Variants in TACC2 observed in about 807,000 individuals in gnomAD.
The protein encoded by TACC2 is transforming acidic coiled-coil containing protein 2.
TACC2 carries 137 observed loss-of-function variants against 227.3 expected under a neutral mutation model. The ratio of observed to expected loss-of-function variants is 0.60; its 90% confidence interval spans 0.52 to 0.69. The LOEUF is 0.69. TACC2 is among the 30% of genes least tolerant of loss of function. The pLI is 0.00. For missense variants in TACC2, 3,470 were observed against 3,694.4 expected (o/e 0.94, Z 1.57); for synonymous variants, 1,523 against 1,487.5 (o/e 1.02, Z -0.55).
At chr10:122,241,016 T>C (rs913526716) in intron 18 of TACC2, among the ~76,000 whole-genome samples, 1 of 152,132 alleles carries the variant, frequency 6.6e-6, no homozygotes, top group Non-Finnish European at 1.5e-5. Flanking sequence ...TAAAAGGTAA[T>C]AGGGTTCCAA....
intron 1 of TACC2, among the ~76,000 whole-genome samples, chr10:122,006,454 AT>A (rs1955162193): frequency 1.2e-5 from 1 of 86,056 alleles, no homozygotes; most frequent in Non-Finnish European, 2.7e-5. Flanking sequence ...GTCTCAAAAA[AT>A]AAATAAATAA....
At position 122,216,727 on chromosome 10, in the gene TACC2, C is replaced by T. The variant is rs34944231; in HGVS notation, c.7445C>T (p.Thr2482Met). Residue 2482 changes from threonine to methionine, a missense_variant, in exon 11 of 23, where the codon ACG (threonine) becomes ATG (methionine). Thr to Met is a moderately conservative substitution (Grantham distance 81). This residue lies in a region of TACC2 where 345 missense variants were observed against 354.4 expected (regional missense o/e 0.97). Coordinates refer to ENST00000369005, the MANE Select transcript of TACC2 (RefSeq NM_206862.4). Reference protein sequence around the residue: ...EKLAVTNQKWTCMTVDLEADK... With the variant: ...EKLAVTNQKWMCMTVDLEADK... Reference sequence around the variant, plus strand: ...CTGGCGGTCACCAACCAGAAGTGGACGTGCATGACAGTGGACCTAGAGGCT... The same window carrying T: ...CTGGCGGTCACCAACCAGAAGTGGATGTGCATGACAGTGGACCTAGAGGCT... 10,132 of 1,614,092 alleles carry T rather than the reference C, an allele frequency of 6.3e-3. 41 individuals carry two copies. Among genetic ancestry groups the T allele is most frequent in the Middle Eastern group, 0.017 (101 of 6,062 alleles).
At chr10:122,252,719 C>A (rs2096275150) in intron 22 of TACC2, among the ~76,000 whole-genome samples, 1 of 152,138 alleles carries the variant, frequency 6.6e-6, no homozygotes, top group Non-Finnish European at 1.5e-5. Flanking sequence ...TCTTGAACTC[C>A]TGACCTCTGG....
intron 8 of TACC2, among the ~76,000 whole-genome samples, chr10:122,198,192 C>A (rs985597393): frequency 1.3e-4 from 20 of 152,180 alleles, no homozygotes; most frequent in Non-Finnish European, 2.5e-4. Context: ...ATGTGTGGGC[C>A]AGAGCAGTCC....
intron 7 of TACC2, among the ~76,000 whole-genome samples, chr10:122,186,331 G>A (rs2094191293): frequency 6.6e-6 from 1 of 152,046 alleles, no homozygotes; most frequent in Non-Finnish European, 1.5e-5. Flanking sequence ...CGAGGCAGGA[G>A]GGTCGTTTGA....
At chr10:122,155,798 TAATA>T (rs1402281578) in intron 7 of TACC2, among the ~76,000 whole-genome samples, 1 of 151,876 alleles carries the variant, frequency 6.6e-6, no homozygotes, top group Non-Finnish European at 1.5e-5. Flanking sequence ...TGAGTCCACT[TAATA>T]AATCAAAGTT....
chr10:121,993,539 T>C (rs1953127635), intron 1 of TACC2, among the ~76,000 whole-genome samples: 1 of 152,180 alleles, frequency 6.6e-6, no homozygotes, highest in Non-Finnish European at 1.5e-5. Context: ...ATTGTATGGT[T>C]AGGTTTAGAT....
chr10:122,024,676 T>C (rs1195306236), intron 2 of TACC2, among the ~76,000 whole-genome samples: 1 of 152,216 alleles, frequency 6.6e-6, no homozygotes, highest in African/African-American at 2.4e-5. Context: ...TCTTTAAGGA[T>C]TGGCTTTTTT....
At chr10:122,142,662 C>T (rs955811459) in intron 6 of TACC2, among the ~76,000 whole-genome samples, 63 of 152,356 alleles carry the variant, frequency 4.1e-4, no homozygotes, top group African/African-American at 1.4e-3. Context: ...ACTGCAAGGG[C>T]TGTGACGCCA....
At chr10:122,158,973 C>T (rs1175275537) in intron 7 of TACC2, among the ~76,000 whole-genome samples, 1 of 152,160 alleles carries the variant, frequency 6.6e-6, no homozygotes, top group African/African-American at 2.4e-5. Flanking sequence ...AGAGTGGAGA[C>T]ACCAGACACA....
intron 22 of TACC2, among the ~76,000 whole-genome samples, chr10:122,251,688 G>A (rs1471394141): frequency 6.6e-6 from 1 of 152,110 alleles, no homozygotes; most frequent in East Asian, 1.9e-4. Context: ...TTGCAGCCTG[G>A]GCAACACAGC....
chr10:121,990,183 T>A (rs1952971123), intron 1 of TACC2, among the ~76,000 whole-genome samples: 1 of 152,138 alleles, frequency 6.6e-6, no homozygotes, highest in Non-Finnish European at 1.5e-5. Flanking sequence ...TAATGATGGT[T>A]CATTGCAGCC....
chr10:122,099,126 A>T (rs1419040781), intron 5 of TACC2, among the ~76,000 whole-genome samples: 6 of 152,200 alleles, frequency 3.9e-5, no homozygotes, highest in Admixed American at 2.0e-4. Flanking sequence ...CTGTGAGCCC[A>T]TTCCAAACCC....
At chr10:122,029,246 G>C (rs1160158992) in intron 2 of TACC2, among the ~76,000 whole-genome samples, 1 of 151,860 alleles carries the variant, frequency 6.6e-6, no homozygotes, top group African/African-American at 2.4e-5. Context: ...TCATGAATGA[G>C]TGTTCGGTTT....
At chr10:122,153,557 A>G (rs1186454138) in intron 7 of TACC2, among the ~76,000 whole-genome samples, 2 of 152,218 alleles carry the variant, frequency 1.3e-5, no homozygotes, top group East Asian at 3.9e-4. Context: ...TGTGAGAGGC[A>G]GTGAAGCAGG....
chr10:122,061,376 G>T (rs1591577592), intron 3 of TACC2, among the ~76,000 whole-genome samples: 1 of 151,738 alleles, frequency 6.6e-6, no homozygotes, highest in Non-Finnish European at 1.5e-5. Flanking sequence ...GGGACCATAT[G>T]CTGAGATGTG....
intron 2 of TACC2, chr10:122,023,857 G>C (rs1957654281): frequency 6.6e-6 from 1 of 151,220 alleles, no homozygotes; most frequent in Non-Finnish European, 1.5e-5. Context: ...AGACAACAGG[G>C]ACAGGCAAGT....
At chr10:122,081,383 C>T (rs1408875096) in intron 3 of TACC2, among the ~76,000 whole-genome samples, 2 of 145,902 alleles carry the variant, frequency 1.4e-5, no homozygotes, top group Non-Finnish European at 1.5e-5. Context: ...AAAAAATTAG[C>T]TGGGCGTGGT....
At chr10:122,223,020 C>T (rs1290122959) in intron 11 of TACC2, among the ~76,000 whole-genome samples, 2 of 151,332 alleles carry the variant, frequency 1.3e-5, no homozygotes, top group African/African-American at 4.9e-5. Context: ...CTGTCCATCC[C>T]TGTCTCCTTC....
Sources: allele counts gnomAD v4.1 joint callset (sites outside exome capture counted in the v4.1 genomes callset), GRCh38; gene constraint gnomAD v4.1.1; regional missense constraint gnomAD v4.1.1; transcripts MANE v1.5; gene names NCBI Gene and HGNC (gene_info 2026-07-23, HGNC 2026-07-21).